Variants in SNX13 observed in about 807,000 individuals in gnomAD.
The protein encoded by SNX13 is sorting nexin-13.
SNX13 carries 45 observed loss-of-function variants against 133.6 expected under a neutral mutation model. The ratio of observed to expected loss-of-function variants is 0.34; its 90% confidence interval spans 0.27 to 0.43. The LOEUF (loss-of-function observed/expected upper bound fraction) is 0.43, where lower values mean the gene tolerates loss of function less well. Ranked by LOEUF, SNX13 falls within the 20% of genes least tolerant of loss-of-function variation. The pLI is 1.00. For missense variants in SNX13, 1,032 were observed against 1,145.1 expected, an observed-to-expected ratio of 0.90 and a Z score of 1.43; for synonymous variants, 414 against 373.9, an observed-to-expected ratio of 1.11 and a Z score of -1.24.
intron 8 of SNX13, among the ~76,000 whole-genome samples, chr7:17,872,777 G>A (rs1794264306): frequency 6.6e-6 from 1 of 152,088 alleles, no homozygotes. Context: ...TTTGTTTTTA[G>A]GAAAATTCAA....
chr7:17,870,879 C>A (rs1195371057), intron 8 of SNX13, among the ~76,000 whole-genome samples: 2 of 152,068 alleles, frequency 1.3e-5, no homozygotes, highest in African/African-American at 4.8e-5. Flanking sequence ...TCCATAATAA[C>A]AGGGAATTAT....
intron 1 of SNX13, among the ~76,000 whole-genome samples, chr7:17,928,733 A>C (rs1358573368): frequency 1.3e-5 from 2 of 152,218 alleles, no homozygotes; most frequent in Non-Finnish European, 2.9e-5. Flanking sequence ...GATAACTTTC[A>C]GGGTATGTTC....
chr7:17,899,120 C>T (rs1471745379), intron 1 of SNX13: 1 of 152,204 alleles, frequency 6.6e-6, no homozygotes, highest in Non-Finnish European at 1.5e-5. Flanking sequence ...CTAATCCACA[C>T]TAAAATATGG....
intron 16 of SNX13, among the ~76,000 whole-genome samples, chr7:17,828,194 G>A (rs576171600): frequency 8.0e-4 from 122 of 151,730 alleles, no homozygotes; most frequent in Non-Finnish European, 1.3e-3. Context: ...TACAGTTATA[G>A]TGCACGTAAA....
intron 9 of SNX13, among the ~76,000 whole-genome samples, chr7:17,859,832 CT>C (rs913316533): frequency 2.0e-5 from 3 of 151,796 alleles, no homozygotes; most frequent in African/African-American, 4.8e-5. Flanking sequence ...ACAGGATTTC[CT>C]TTTTTTTGGT....
intron 3 of SNX13, among the ~76,000 whole-genome samples, chr7:17,891,893 T>C (rs1024603462): frequency 3.9e-5 from 6 of 152,138 alleles, no homozygotes; most frequent in African/African-American, 1.4e-4. Flanking sequence ...TGTACAGGTA[T>C]GCTGCTGCCA....
Position 17,794,575 on chromosome 7 carries a change from C to T in SNX13, c.2627-283G>A, listed in dbSNP as rs1354620283. 4 of 306,568 alleles carry T rather than the reference C, an allele frequency of 1.3e-5. No homozygotes were observed. In the South Asian group the frequency reaches 2.4e-4, roughly 18 times the overall value. 19.0% of individuals were successfully genotyped at this position (306,568 alleles called of 1,614,324 possible). ...AAAGATCCCAAACTATGATTACAAA[C>T]ATGTCCCTTAATACCCATGTGATAC... is the stretch of plus-strand genomic sequence containing the variant. On this transcript the variant is annotated intron_variant, in intron 25 of 25. Coordinates refer to ENST00000428135, the MANE Select transcript of SNX13 (RefSeq NM_015132.5).
At chr7:17,863,830 C>A (rs1289368559) in intron 9 of SNX13, among the ~76,000 whole-genome samples, 1 of 152,160 alleles carries the variant, frequency 6.6e-6, no homozygotes, top group African/African-American at 2.4e-5. Context: ...AGAAACAGAC[C>A]CTTTGTAATT....
Position 17,799,060 on chromosome 7 carries a change from T to C in SNX13, c.2393A>G (p.Lys798Arg), listed in dbSNP as rs1583447617. ...ERNQWLRRNI[K>R]NLLQQLIRAT... ...TCTAATAAGCTGTTGAAGTAGGTTT[T>C]TGATATTCCTTCGCAACCACTGATT... The change falls in exon 23 of 26, where the codon AAA (lysine) becomes AGA (arginine). Residue 798 changes from lysine (K) to arginine (R), a missense_variant. Lys to Arg is a conservative substitution (Grantham distance 26). Coordinates refer to ENST00000428135, the MANE Select transcript of SNX13 (RefSeq NM_015132.5). 10 of 1,611,198 alleles carry C rather than the reference T, an allele frequency of 6.2e-6. No individual in the cohort carries two copies. Among genetic ancestry groups the C allele is most frequent in the Non-Finnish European group, 8.5e-6 (10 of 1,178,140 alleles).
intron 7 of SNX13, among the ~76,000 whole-genome samples, chr7:17,874,433 T>C (rs991183675): frequency 1.3e-5 from 2 of 152,222 alleles, no homozygotes; most frequent in Non-Finnish European, 2.9e-5. Context: ...TCAAAAGTTA[T>C]GCACAGAATT....
At chr7:17,888,432 AAAG>A (rs1796254947) in intron 5 of SNX13, 1 of 233,344 alleles carries the variant, frequency 4.3e-6, no homozygotes. Flanking sequence ...CAATAACAGG[AAAG>A]AAGAGCAGGA....
At chr7:17,875,869 C>T in intron 5 of SNX13, 79 bp from the exon 6 acceptor site, 3 of 1,144,294 alleles carry the variant, frequency 2.6e-6, no homozygotes, top group Non-Finnish European at 2.4e-6. Context: ...TGACTACTGA[C>T]AAACAACATG....
At chr7:17,880,076 G>A (rs1795168923) in intron 5 of SNX13, 1 of 152,182 alleles carries the variant, frequency 6.6e-6, no homozygotes, top group South Asian at 2.1e-4. Context: ...AAATCTTCCT[G>A]TGTAGGAATA....
chr7:17,859,301 C>T (rs980920053), intron 9 of SNX13, among the ~76,000 whole-genome samples: 2 of 151,546 alleles, frequency 1.3e-5, no homozygotes, highest in African/African-American at 4.8e-5. Flanking sequence ...ACAAAACAGG[C>T]CAATAATCAC....
chr7:17,838,244 TTTAAG>T (rs1208439454), intron 13 of SNX13, among the ~76,000 whole-genome samples: 7 of 151,990 alleles, frequency 4.6e-5, no homozygotes, highest in Non-Finnish European at 8.8e-5. Flanking sequence ...ATTTGTCCAC[TTTAAG>T]TTGTTTAATT....
chr7:17,882,829 T>C, intron 5 of SNX13: 1 of 1,273,148 alleles, frequency 7.9e-7, no homozygotes, highest in Non-Finnish European at 1.0e-6. Flanking sequence ...TTACATATTC[T>C]AGGAGACACA....
intron 1 of SNX13, among the ~76,000 whole-genome samples, chr7:17,908,933 G>A (rs1444244373): frequency 6.6e-6 from 1 of 152,066 alleles, no homozygotes; most frequent in Non-Finnish European, 1.5e-5. Context: ...TAGTCTCCAA[G>A]AATTATAAGG....
chr7:17,849,705 C>T (rs571461520), intron 11 of SNX13, among the ~76,000 whole-genome samples: 1 of 152,296 alleles, frequency 6.6e-6, no homozygotes, highest in East Asian at 1.9e-4. Flanking sequence ...CTCCAATTCA[C>T]CAAGGACATT....
chr7:17,875,393 T>A (rs187537612), intron 7 of SNX13, 87 bp downstream of exon 7: 5 of 1,038,848 alleles, frequency 4.8e-6, no homozygotes, highest in Admixed American at 2.5e-5. Flanking sequence ...TAAGTAAGAA[T>A]AATTTTACCC....
Sources: gnomAD v4.1 joint callset for allele counts (sites outside exome capture counted in the v4.1 genomes callset) on GRCh38, gnomAD v4.1.1 for gene constraint, MANE v1.5 for transcripts, NCBI Gene and HGNC (gene_info 2026-07-23, HGNC 2026-07-21) for gene names.